Variants in DLG1 observed in about 807,000 individuals in gnomAD.
The protein encoded by DLG1 is disks large homolog 1.
Under a neutral mutation model 123.4 loss-of-function variants are expected in DLG1, and 42 were observed. The observed-to-expected ratio is 0.34, with a 90% CI of 0.27 to 0.44. DLG1 has a LOEUF of 0.44. Among genes scored for constraint, DLG1 ranks in the 20% least tolerant of loss-of-function variants. The pLI is 1.00. For missense variants in DLG1, 942 were observed against 1,082.6 expected, an observed-to-expected ratio of 0.87 and a Z score of 1.82; for synonymous variants, 317 against 356.2, an observed-to-expected ratio of 0.89 and a Z score of 1.24.
At chr3:197,083,755 TAA>T (rs1360199467) in intron 16 of DLG1, among the ~76,000 whole-genome samples, 1 of 152,104 alleles carries the variant, frequency 6.6e-6, no homozygotes, top group African/African-American at 2.4e-5. Context: ...GCCAAGAGTT[TAA>T]GACTTGCCTG....
intron 4 of DLG1, among the ~76,000 whole-genome samples, chr3:197,248,921 AG>A (rs1753068200): frequency 1.3e-5 from 2 of 152,168 alleles, no homozygotes; most frequent in East Asian, 3.9e-4. Flanking sequence ...GTTCAAGACA[AG>A]AGTGAGGTAT....
intron 14 of DLG1, among the ~76,000 whole-genome samples, chr3:197,095,120 A>T (rs1759927521): frequency 6.6e-6 from 1 of 151,802 alleles, no homozygotes; most frequent in African/African-American, 2.4e-5. Context: ...CTTCTTACTA[A>T]TTTTTTTTAA....
At chr3:197,063,189 TATAA>T (rs1737024311) in intron 22 of DLG1, among the ~76,000 whole-genome samples, 1 of 117,408 alleles carries the variant, frequency 8.5e-6, no homozygotes, top group African/African-American at 3.0e-5. Context: ...AAACTTAAAG[TATAA>T]AAAAAAAAAA....
At chr3:197,084,099 A>G (rs1174109568) in intron 16 of DLG1, among the ~76,000 whole-genome samples, 1 of 152,188 alleles carries the variant, frequency 6.6e-6, no homozygotes, top group Non-Finnish European at 1.5e-5. Flanking sequence ...GAAGCGTATT[A>G]CCAGATATTT....
chr3:197,115,809 G>T (rs1421329831), intron 13 of DLG1, 118 bp downstream of exon 13: 5 of 979,360 alleles, frequency 5.1e-6, no homozygotes, highest in Non-Finnish European at 7.6e-6. Flanking sequence ...GCTGTAAAAT[G>T]TTAAGAAGAT....
intron 14 of DLG1, among the ~76,000 whole-genome samples, chr3:197,104,584 A>T (rs2149306533): frequency 6.6e-6 from 1 of 152,286 alleles, no homozygotes; most frequent in East Asian, 1.9e-4. Context: ...TGGGAGGCTG[A>T]GGCAGGAGAA....
intron 4 of DLG1, among the ~76,000 whole-genome samples, chr3:197,235,692 G>C (rs1224094996): frequency 6.6e-6 from 1 of 152,156 alleles, no homozygotes; most frequent in East Asian, 1.9e-4. Context: ...ATTTTCCAGA[G>C]AAAACAGTAC....
intron 4 of DLG1, among the ~76,000 whole-genome samples, chr3:197,253,822 A>G (rs191975467): frequency 3.3e-5 from 5 of 152,270 alleles, no homozygotes; most frequent in Admixed American, 3.3e-4. Context: ...TAGAGTTACT[A>G]CTAGAGGAAA....
chr3:197,230,403 C>T (rs1742328115), intron 4 of DLG1, among the ~76,000 whole-genome samples: 1 of 152,174 alleles, frequency 6.6e-6, no homozygotes, highest in Non-Finnish European at 1.5e-5. Flanking sequence ...CAACCAAACT[C>T]CTTCACCTGT....
intron 4 of DLG1, among the ~76,000 whole-genome samples, chr3:197,241,307 T>C (rs891745173): frequency 4.6e-5 from 7 of 151,768 alleles, no homozygotes; most frequent in African/African-American, 9.7e-5. Flanking sequence ...TCCAGCAAAA[T>C]TACCCTTCAC....
At chr3:197,283,857 T>C (rs1017895131) in intron 3 of DLG1, among the ~76,000 whole-genome samples, 2 of 135,846 alleles carry the variant, frequency 1.5e-5, no homozygotes, top group African/African-American at 5.5e-5. Flanking sequence ...TTCAGTTGGG[T>C]TGTTTTTTTT....
In DLG1 at chr3:197,073,713, G is replaced by T. The variant is rs139949713; in HGVS notation, c.2005+2873C>A. Among the ~76,000 whole-genome samples the T allele has an allele frequency of 9.6e-4, 146 of 152,202 alleles. 1 individual carries two copies. The highest frequency in any genetic ancestry group is 3.3e-3 in the African/African-American group (138 of 41,530). ...ACAAATGAATTCAGGTCTACACAAA[G>T]CGTTCTATGGTATCACTTCTGTTTC... On this transcript the variant is annotated intron_variant, in intron 18 of 24. Coordinates refer to ENST00000667157, the MANE Select transcript of DLG1 (RefSeq NM_001366207.1).
intron 24 of DLG1, among the ~76,000 whole-genome samples, chr3:197,047,553 C>T (rs946734198): frequency 1.3e-5 from 2 of 149,522 alleles, no homozygotes; most frequent in African/African-American, 4.9e-5. Context: ...AGTTAAAGGA[C>T]AAGGCGAGTA....
chr3:197,297,399 G>A, intron 1 of DLG1, 164 bp from the exon 2 acceptor site: 1 of 1,431,700 alleles, frequency 7.0e-7, no homozygotes, highest in South Asian at 1.5e-5. Context: ...CTGTCAACGT[G>A]GAAAGCTTTT....
At chr3:197,149,559 A>T (rs1310602044) in intron 6 of DLG1, among the ~76,000 whole-genome samples, 184 bp downstream of exon 6, 1 of 152,182 alleles carries the variant, frequency 6.6e-6, no homozygotes, top group Non-Finnish European at 1.5e-5. Flanking sequence ...AAAAGGAAAA[A>T]AAAATGACCA....
intron 16 of DLG1, among the ~76,000 whole-genome samples, chr3:197,082,763 T>A (rs1012782966): frequency 6.6e-6 from 1 of 152,226 alleles, no homozygotes; most frequent in Admixed American, 6.5e-5. Flanking sequence ...TAAGATTATA[T>A]TCTGCAATGC....
intron 4 of DLG1, among the ~76,000 whole-genome samples, chr3:197,196,179 A>G (rs2150279427): frequency 6.6e-6 from 1 of 150,480 alleles, no homozygotes; most frequent in East Asian, 1.9e-4. Context: ...ACCAAAAAAA[A>G]AAAAAAAAAA....
intron 4 of DLG1, among the ~76,000 whole-genome samples, chr3:197,195,781 C>G (rs551008932): frequency 6.6e-6 from 1 of 151,990 alleles, no homozygotes; most frequent in African/African-American, 2.4e-5. Context: ...TGGTACTATG[C>G]TTACTACCTT....
chr3:197,152,592 C>T (rs1577146751), intron 5 of DLG1, among the ~76,000 whole-genome samples: 1 of 151,394 alleles, frequency 6.6e-6, no homozygotes. Context: ...CTGGCCCCGT[C>T]TCTACTAAAA....
Sources: allele counts gnomAD v4.1 joint callset (sites outside exome capture counted in the v4.1 genomes callset), GRCh38; gene constraint gnomAD v4.1.1; transcripts MANE v1.5; gene names NCBI Gene and HGNC (gene_info 2026-07-23, HGNC 2026-07-21).